Variants in NUP54 observed in about 807,000 individuals in gnomAD.
NUP54 encodes the protein nucleoporin 54, also known as nucleoporin p54.
In NUP54, 27 loss-of-function variants were observed where a neutral mutation model predicts 66.4. The observed-to-expected ratio is 0.41, with a 90% confidence interval of 0.30 to 0.56. NUP54 has a LOEUF of 0.56. Ranked by LOEUF, NUP54 falls within the 20% of genes least tolerant of loss-of-function variation. The pLI is 0.34. For synonymous variants in NUP54, 206 were observed against 210.7 expected, an observed-to-expected ratio of 0.98 and a Z score of 0.19; for missense variants, 486 against 596.3, an observed-to-expected ratio of 0.82 and a Z score of 1.93.
chr4:76,132,476 T>C (rs1560685047), intron 6 of NUP54, 47 bp downstream of exon 6: 1 of 1,459,122 alleles, frequency 6.9e-7, no homozygotes, highest in African/African-American at 1.4e-5. Context: ...GAGTGTTTAG[T>C]TCTAAATCTT....
intron 8 of NUP54, among the ~76,000 whole-genome samples, chr4:76,129,614 T>C (rs541465778): frequency 5.3e-5 from 8 of 152,182 alleles, no homozygotes; most frequent in Admixed American, 1.3e-4. Flanking sequence ...CCTGTAACCC[T>C]AGCACTTTCG....
At chr4:76,125,814 AAGAGG>A in intron 8 of NUP54, among the ~76,000 whole-genome samples, 1 of 29,872 alleles carries the variant, frequency 3.3e-5, no homozygotes, top group Non-Finnish European at 5.6e-5. Context: ...AGAGAGGGAG[AAGAGG>A]GAGAAAGGGG....
At position 76,136,413 on chromosome 4, in the gene NUP54, C is replaced by T; in HGVS notation, c.296-1G>A. ...GGCTGACTGAAGAGACCACCTAATG[C>T]TAAAAATGTACCCAAAATTAGTATT... is the stretch of plus-strand genomic sequence containing the variant. On this transcript the variant is annotated splice_acceptor_variant, in intron 3 of 11. Transcript: ENST00000264883. LOFTEE classifies it high-confidence loss of function. The T allele has an allele frequency of 6.2e-7, 1 of 1,605,886 alleles. No individual in the cohort carries two copies. Among genetic ancestry groups the T allele is most frequent in the Non-Finnish European group, 8.5e-7 (1 of 1,175,468 alleles).
Position 76,130,696 on chromosome 4 carries a change from A to C in NUP54, c.1016T>G (p.Val339Gly), listed in dbSNP as rs752843276. 6.2e-7 allele frequency: 1 copy of C among 1,613,794 alleles called. No homozygotes were observed. Among genetic ancestry groups the C allele is most frequent in the Non-Finnish European group, 8.5e-7 (1 of 1,179,804 alleles). ...ATGCTGCTTAGTCATCTGATCTTGA[A>C]CCTTCAGTCTTCGGAGAAGTTCCTT... The part of the protein sequence containing the change: ...GFKELLRRLK[V>G]QDQMTKQHQT... The change falls in exon 8 of 12, where the codon GTT (valine) becomes GGT (glycine). Residue 339 changes from valine to glycine, a missense_variant. Physicochemically the swap from Val to Gly is moderately radical, Grantham distance 109. Transcript: ENST00000264883.
At chr4:76,132,799 T>C in intron 5 of NUP54, 80 bp from the exon 6 acceptor site, 1 of 1,033,114 alleles carries the variant, frequency 9.7e-7, no homozygotes, top group Middle Eastern at 2.6e-4. Flanking sequence ...TAGCATGTGA[T>C]TTCAGAAGGG....
At chr4:76,136,509 A>T in intron 3 of NUP54, 97 bp from the exon 4 acceptor site, 1 of 819,680 alleles carries the variant, frequency 1.2e-6, no homozygotes, top group Admixed American at 2.4e-5. Flanking sequence ...CCCCTCCAAG[A>T]TGCCCATATC....
chr4:76,130,872 A>G (rs1730770900), intron 7 of NUP54, 123 bp from the exon 8 acceptor site: 2 of 678,824 alleles, frequency 2.9e-6, no homozygotes, highest in Non-Finnish European at 5.2e-6. Context: ...AGGCAGATCT[A>G]TGACTATGAG....
At chr4:76,127,364 G>A (rs191556430) in intron 8 of NUP54, among the ~76,000 whole-genome samples, 60 of 148,044 alleles carry the variant, frequency 4.1e-4, no homozygotes, top group African/African-American at 1.4e-3. Context: ...CCCAGGAGGC[G>A]GAGCTTGCAG....
intron 1 of NUP54, among the ~76,000 whole-genome samples, chr4:76,146,296 T>C (rs58628853): frequency 0.13 from 20,025 of 151,912 alleles, 1,542 homozygotes; most frequent in East Asian, 0.37. Context: ...AGTTTATTTA[T>C]TGTTGTTGAA....
At chr4:76,143,227 A>C (rs1280760581) in intron 3 of NUP54, among the ~76,000 whole-genome samples, 1 of 152,264 alleles carries the variant, frequency 6.6e-6, no homozygotes, top group Non-Finnish European at 1.5e-5. Context: ...AATGTGTTAA[A>C]CTATACCATA....
At chr4:76,118,002 G>T in intron 10 of NUP54, 73 bp downstream of exon 10, 1 of 1,472,258 alleles carries the variant, frequency 6.8e-7, no homozygotes, top group South Asian at 1.2e-5. Context: ...ATTCCTGCTT[G>T]AAGATTACAT....
intron 3 of NUP54, among the ~76,000 whole-genome samples, chr4:76,142,975 A>T (rs1731325773): frequency 6.6e-6 from 1 of 152,206 alleles, no homozygotes; most frequent in Admixed American, 6.5e-5. Context: ...TCACAGAAGT[A>T]TTTCAACAAA....
In NUP54 at chr4:76,131,254, T is replaced by C; in HGVS notation, c.938A>G (p.Lys313Arg). Residue 313 changes from lysine to arginine, a missense_variant, in exon 7 of 12, where the codon AAG (lysine) becomes AGG (arginine). Physicochemically the swap from Lys to Arg is conservative, Grantham distance 26 (BLOSUM62 2). Around this residue, in one of 4 missense-constraint regions of NUP54, gnomAD observed 217 missense variants for 247.9 expected, o/e 0.88. Coordinates refer to ENST00000264883, the MANE Select transcript of NUP54 (RefSeq NM_017426.4). The stretch of plus-strand genomic sequence containing the variant: ...CTTTTCAGAATCAGGGTTATCTACC[T>C]TGGCCTGTTCCCAGATAATAGGATC... Reference protein sequence around the residue: ...GVDPIIWEQAKVDNPDSEKLI... With the variant: ...GVDPIIWEQARVDNPDSEKLI... 6.3e-7 allele frequency: 1 copy of C among 1,596,688 alleles called. No homozygotes were observed. The highest frequency in any genetic ancestry group is 8.6e-7 in the Non-Finnish European group (1 of 1,169,078).
chr4:76,122,353 C>T (rs567534716), intron 9 of NUP54, among the ~76,000 whole-genome samples: 3 of 151,968 alleles, frequency 2.0e-5, no homozygotes, highest in East Asian at 3.9e-4. Flanking sequence ...TACATACAGT[C>T]GTGTAACCAC....
At chr4:76,140,936 G>T (rs960437462) in intron 3 of NUP54, among the ~76,000 whole-genome samples, 1 of 152,216 alleles carries the variant, frequency 6.6e-6, no homozygotes, top group African/African-American at 2.4e-5. Context: ...AAGCTAGTTA[G>T]AGTAGTGAAG....
chr4:76,114,743 T>C lies in NUP54; in HGVS notation c.*623A>G, dbSNP rs1369760186. The C allele has an allele frequency of 6.8e-6, 1 of 147,284 alleles. No individual in the cohort carries two copies. Among genetic ancestry groups the C allele is most frequent in the Non-Finnish European group, 1.5e-5 (1 of 65,866 alleles). 9.1% of individuals were successfully genotyped at this position (147,284 alleles called of 1,614,324 possible). On this transcript the variant is annotated 3_prime_UTR_variant, in exon 12 of 12. Transcript: ENST00000264883. ...AAAAAGGCTTAAAAAACAAAATGGT[T>C]GCAAAAATGGTTAAGTAGTTTTGTT...
chr4:76,125,316 T>TCACACACACACACACACA (rs34954421), intron 8 of NUP54, among the ~76,000 whole-genome samples: 19 of 125,384 alleles, frequency 1.5e-4, no homozygotes, highest in African/African-American at 5.2e-4. Flanking sequence ...TGAGACTCCA[T>TCACACACACACACACACA]CACACACACA....
In NUP54 at chr4:76,128,112, T is replaced by C. The variant is rs142559383; in HGVS notation, c.1056+2544A>G. ...AAAGGGAGCTCCAAGGGAAGTCTGC[T>C]AGTTATAGTGGGAGGAGATACATCG... On this transcript the variant is annotated intron_variant, in intron 8 of 11. Coordinates refer to ENST00000264883, the MANE Select transcript of NUP54 (RefSeq NM_017426.4). Among the ~76,000 whole-genome samples the C allele has an allele frequency of 5.6e-3, 856 of 152,274 alleles. 6 individuals carry two copies. Among genetic ancestry groups the C allele is most frequent in the African/African-American group, 0.02 (821 of 41,548 alleles).
intron 11 of NUP54, among the ~76,000 whole-genome samples, chr4:76,116,607 A>G (rs1364642151): frequency 6.6e-6 from 1 of 152,210 alleles, no homozygotes; most frequent in Non-Finnish European, 1.5e-5. Flanking sequence ...CTCCATCCAG[A>G]TCTCCTGAGA....
Sources: gnomAD v4.1 joint callset for allele counts (sites outside exome capture counted in the v4.1 genomes callset) on GRCh38, gnomAD v4.1.1 for gene constraint, gnomAD v4.1.1 regional missense constraint, MANE v1.5 for transcripts, NCBI Gene and HGNC (gene_info 2026-07-23, HGNC 2026-07-21) for gene names.